PDE6B: variants seen among roughly 807,000 people sequenced by gnomAD.
PDE6B encodes rod cGMP-specific 3',5'-cyclic phosphodiesterase subunit beta.
PDE6B carries 106 observed loss-of-function variants against 109.0 expected under a neutral mutation model. The ratio of observed to expected loss-of-function variants is 0.97; its 90% confidence interval spans 0.83 to 1.14. PDE6B has a LOEUF of 1.14. PDE6B is among the 50% of genes most tolerant of loss of function. The pLI, the probability that PDE6B is intolerant of heterozygous loss-of-function variation, is 0.00. For missense variants in PDE6B, 1,193 were observed against 1,155.6 expected (o/e 1.03, Z -0.47); for synonymous variants, 490 against 471.3 (o/e 1.04, Z -0.51).
intron 3 of PDE6B, among the ~76,000 whole-genome samples, chr4:643,092 G>A (rs1431893919): frequency 6.6e-6 from 1 of 151,960 alleles, no homozygotes; most frequent in Non-Finnish European, 1.5e-5. Flanking sequence ...GGCGGATCAC[G>A]AGGTCAAGAG....
At position 668,349 on chromosome 4, in the gene PDE6B, G is replaced by T. The variant is rs572779647; in HGVS notation, c.2503+343G>T. Among the ~76,000 whole-genome samples, 11 of 151,968 alleles carry T rather than the reference G, an allele frequency of 7.2e-5. No homozygotes were observed. The East Asian group carries it at 1.7e-3, about 24-fold the overall frequency. ...CAAATCCCAAAGGCATCGTGGTCTT[G>T]CCATTGGCCCGCACTTGGCTACCTT... On this transcript the variant is annotated intron_variant, in intron 21 of 21. Transcript: ENST00000496514.
rs1737783887 is a variant in PDE6B at position 666,236 on chromosome 4, T to G, written c.2269-295T>G. Among the ~76,000 whole-genome samples, 1 of 151,984 alleles carries G rather than the reference T, an allele frequency of 6.6e-6. No homozygotes were observed. Among genetic ancestry groups the G allele is most frequent in the African/African-American group, 2.4e-5 (1 of 41,368 alleles). ...TACAGCCCATCCCCCTCCCCGCCTCTCCCCAGCTGCAGTAAGGGTCCCCAG... is the reference window on the plus strand; with the variant it reads ...TACAGCCCATCCCCCTCCCCGCCTCGCCCCAGCTGCAGTAAGGGTCCCCAG... On this transcript the variant is annotated intron_variant, in intron 19 of 21. Transcript: ENST00000496514. The surrounding 1 kb of genome is among the most constrained non-coding windows in gnomAD (Gnocchi z 5.6).
In PDE6B at chr4:660,500, A is replaced by G. The variant is rs757022727; in HGVS notation, c.1501A>G (p.Ile501Val). Residue 501 changes from isoleucine to valine, a missense_variant, in exon 12 of 22, where the codon ATC (isoleucine) becomes GTC (valine). Coordinates refer to ENST00000496514, the MANE Select transcript of PDE6B (RefSeq NM_000283.4). ...GCTGCCAGGGCCCACCACATTTGAC[A>G]TCTACGAATTCCACTTCTCTGACCT... ...EELPGPTTFDIYEFHFSDLEC... is the reference protein window; with the variant it reads ...EELPGPTTFDVYEFHFSDLEC... 6.2e-7 allele frequency: 1 copy of G among 1,613,960 alleles called. No individual in the cohort carries two copies. The highest frequency in any genetic ancestry group is 8.5e-7 in the Non-Finnish European group (1 of 1,179,948).
At position 662,056 on chromosome 4, in the gene PDE6B, T is replaced by G; in HGVS notation, c.1615-78T>G. Reference sequence around the variant, plus strand: ...ATGGCACGGAGCAGGGCTTCCACTGTGAAGTCAGCCACAGGTGCCGCTCTG... The same window carrying G: ...ATGGCACGGAGCAGGGCTTCCACTGGGAAGTCAGCCACAGGTGCCGCTCTG... On this transcript the variant is annotated intron_variant, in intron 12 of 21. Coordinates refer to ENST00000496514, the MANE Select transcript of PDE6B (RefSeq NM_000283.4). This position sits in a 1 kb window ranked among gnomAD's most constrained non-coding sequence, Gnocchi z 4.3. The G allele has an allele frequency of 1.4e-6, 1 of 737,080 alleles. No individual in the cohort carries two copies. Among genetic ancestry groups the G allele is most frequent in the East Asian group, 2.7e-5 (1 of 37,342 alleles). The allele number at this position is 737,080 out of a possible 1,614,324, so 45.7% of individuals were successfully genotyped here.
In PDE6B at chr4:663,557, A is replaced by T. The variant is rs1172453259; in HGVS notation, c.1921-213A>T. On this transcript the variant is annotated intron_variant, in intron 15 of 21. Transcript: ENST00000496514. The surrounding 1 kb of genome is among the most constrained non-coding windows in gnomAD (Gnocchi z 4.0). ...CTCCCCGGTGGTGACCTCTGAGGCC[A>T]TCTGCGTCCCAAGCCGACGATGGAG... Among the ~76,000 whole-genome samples, 1 of 152,158 alleles carries T rather than the reference A, an allele frequency of 6.6e-6. No homozygotes were observed. The highest frequency in any genetic ancestry group is 1.5e-5 in the Non-Finnish European group (1 of 68,012).
chr4:628,164 C>A (rs1734208441), intron 1 of PDE6B, among the ~76,000 whole-genome samples: 1 of 152,208 alleles, frequency 6.6e-6, no homozygotes, highest in Non-Finnish European at 1.5e-5. Flanking sequence ...AAAAGCAAAT[C>A]TTCATGAAGT....
At chr4:642,405 G>A (rs897152719) in intron 3 of PDE6B, among the ~76,000 whole-genome samples, 1 of 152,202 alleles carries the variant, frequency 6.6e-6, no homozygotes, top group Non-Finnish European at 1.5e-5. Context: ...GAACCTGGGA[G>A]GCAGAGGTTG....
chr4:635,798 A>T, intron 2 of PDE6B, 82 bp from the exon 3 acceptor site: 1 of 794,390 alleles, frequency 1.3e-6, no homozygotes, highest in Non-Finnish European at 2.3e-6. Context: ...TCAGGCGAGC[A>T]TGTTTCTCCT....
At position 635,952 on chromosome 4, in the gene PDE6B, G is replaced by C; in HGVS notation, c.694G>C (p.Glu232Gln). The C allele has an allele frequency of 6.2e-7, 1 of 1,605,800 alleles. No homozygotes were observed. Among genetic ancestry groups the C allele is most frequent in the Non-Finnish European group, 8.5e-7 (1 of 1,172,400 alleles). ...IYHLSYLHNC[E>Q]TRRGQVLLWS... ...TCACCTGAGCTACCTCCACAACTGC[G>C]AGACGCGCCGCGGCCAGGTACCCAC... Residue 232 changes from glutamate (E) to glutamine (Q), a missense_variant, in exon 3 of 22, where the codon GAG becomes CAG. Physicochemically the swap from Glu to Gln is conservative, Grantham distance 29. Transcript: ENST00000496514.
intron 1 of PDE6B, among the ~76,000 whole-genome samples, chr4:630,614 C>T (rs2109124467): frequency 6.6e-6 from 1 of 152,296 alleles, no homozygotes; most frequent in East Asian, 1.9e-4. Context: ...AGCCCCTGGG[C>T]TGGGCCAGCT....
Position 648,752 on chromosome 4 carries a change from G to A in PDE6B, c.712-5100G>A, listed in dbSNP as rs1428793579. ...TCGGCTTAGTGGAGCAATTCTCACC[G>A]CCCAGCTGTCTGAGCTGCAGCAAAG... On this transcript the variant is annotated intron_variant, in intron 3 of 21. Transcript: ENST00000496514. The surrounding 1 kb of genome is among the most constrained non-coding windows in gnomAD (Gnocchi z 4.5). Among the ~76,000 whole-genome samples the A allele has an allele frequency of 2.6e-5, 4 of 152,252 alleles. No homozygotes were observed. The highest frequency in any genetic ancestry group is 2.6e-4 in the Admixed American group (4 of 15,284).
chr4:653,793 G>A lies in PDE6B; in HGVS notation c.712-59G>A, dbSNP rs188701094. 551 of 1,596,354 alleles carry A rather than the reference G, an allele frequency of 3.5e-4. 4 individuals carry two copies. The East Asian group carries it at 7.6e-3, about 22-fold the overall frequency. On this transcript the variant is annotated intron_variant, in intron 3 of 21. Transcript: ENST00000496514. Reference sequence around the variant, plus strand: ...CTTGAGTTAAACCCCTGCTGCTGTGGTCAGACCGGCGTGAGGGTGGGAGTG... The same window carrying A: ...CTTGAGTTAAACCCCTGCTGCTGTGATCAGACCGGCGTGAGGGTGGGAGTG...
chr4:635,932 T>C lies in PDE6B; in HGVS notation c.674T>C (p.Leu225Pro). 6.2e-7 allele frequency: 1 copy of C among 1,609,760 alleles called. No homozygotes were observed. The highest frequency in any genetic ancestry group is 8.5e-7 in the Non-Finnish European group (1 of 1,175,964). Reference sequence around the variant, plus strand: ...ACGTTGTACCTGAAGATCTATCACCTGAGCTACCTCCACAACTGCGAGACG... The same window carrying C: ...ACGTTGTACCTGAAGATCTATCACCCGAGCTACCTCCACAACTGCGAGACG... The part of the protein sequence containing the change: ...FATLYLKIYH[L>P]SYLHNCETRR... Residue 225 changes from leucine (L) to proline (P), a missense_variant, in exon 3 of 22, where the codon CTG (leucine) becomes CCG (proline). Coordinates refer to ENST00000496514, the MANE Select transcript of PDE6B (RefSeq NM_000283.4).
chr4:630,260 G>C lies in PDE6B; in HGVS notation c.468+4166G>C, dbSNP rs374249692. Among the ~76,000 whole-genome samples, 9 of 152,286 alleles carry C rather than the reference G, an allele frequency of 5.9e-5. No homozygotes were observed. In the East Asian group the frequency reaches 1.5e-3, roughly 26 times the overall value. ...GTGGCCGAGGGGAGTTTGCAGGGCT[G>C]TCATCTCAGGAAGTGAAGGCTGGGC... On this transcript the variant is annotated intron_variant, in intron 1 of 21. Coordinates refer to ENST00000496514, the MANE Select transcript of PDE6B (RefSeq NM_000283.4).
intron 1 of PDE6B, among the ~76,000 whole-genome samples, chr4:629,750 C>T (rs975839070): frequency 6.6e-6 from 1 of 152,204 alleles, no homozygotes; most frequent in Admixed American, 6.5e-5. Context: ...GTGGCAGGAC[C>T]GGCCGTCAGC....
chr4:654,215 T>G, intron 5 of PDE6B, 61 bp downstream of exon 5: 19 of 1,252,416 alleles, frequency 1.5e-5, no homozygotes, highest in Non-Finnish European at 2.0e-5. Context: ...TGACTCCAAC[T>G]CCAGGGCAGG....
chr4:663,858 C>T lies in PDE6B; in HGVS notation c.2009C>T (p.Ala670Val). 1 of 1,609,258 alleles carries T rather than the reference C, an allele frequency of 6.2e-7. No homozygotes were observed. Residue 670 changes from alanine to valine, a missense_variant, in exon 16 of 22, where the codon GCC becomes GTC. Ala to Val is a moderately conservative substitution (Grantham distance 64). Transcript: ENST00000496514. The surrounding 1 kb of genome is among the most constrained non-coding windows in gnomAD (Gnocchi z 4.0). ...MDIAIIATDL[A>V]LYFKKRAMFQ... ...ATCGCCATCATCGCCACGGACCTGGCCCTGTACTTCAAGTGCGCGCCTTCC... is the reference window on the plus strand; with the variant it reads ...ATCGCCATCATCGCCACGGACCTGGTCCTGTACTTCAAGTGCGCGCCTTCC...
At chr4:629,511 C>G (rs571391054) in intron 1 of PDE6B, among the ~76,000 whole-genome samples, 10 of 152,382 alleles carry the variant, frequency 6.6e-5, no homozygotes, top group African/African-American at 2.2e-4. Context: ...CCTCCACCAC[C>G]TTCCAGCTCC....
At chr4:628,446 G>A (rs1053249721) in intron 1 of PDE6B, among the ~76,000 whole-genome samples, 11 of 152,144 alleles carry the variant, frequency 7.2e-5, no homozygotes, top group Non-Finnish European at 1.2e-4. Flanking sequence ...CCTCCTGCCC[G>A]GGCCACCCGG....
Sources: gnomAD v4.1 joint callset for allele counts (sites outside exome capture counted in the v4.1 genomes callset) on GRCh38, gnomAD v4.1.1 for gene constraint, Gnocchi (gnomAD v3.1) non-coding constraint, MANE v1.5 for transcripts, NCBI Gene and HGNC (gene_info 2026-07-23, HGNC 2026-07-21) for gene names.